Variants in ZMAT4 observed in about 807,000 individuals in gnomAD.
The protein encoded by ZMAT4 is zinc finger matrin-type 4, also known as zinc finger matrin-type protein 4.
Under a neutral mutation model 28.7 loss-of-function variants are expected in ZMAT4, and 17 were observed. The ratio of observed to expected loss-of-function variants is 0.59; its 90% CI spans 0.41 to 0.89. ZMAT4 has a LOEUF of 0.89. ZMAT4 is among the 40% of genes least tolerant of loss of function. The pLI is 0.00. For missense variants in ZMAT4, 240 were observed against 283.8 expected (o/e 0.85, Z 1.11); for synonymous variants, 117 against 109.2 (o/e 1.07, Z -0.44).
chr8:40,704,549 G>C (rs1381828915), intron 3 of ZMAT4, among the ~76,000 whole-genome samples: 1 of 152,122 alleles, frequency 6.6e-6, no homozygotes, highest in East Asian at 1.9e-4. Context: ...TGCTTTATTA[G>C]CATTTTGTTT....
chr8:40,697,528 T>TC, intron 3 of ZMAT4, 127 bp from the exon 4 acceptor site: 1 of 1,077,738 alleles, frequency 9.3e-7, no homozygotes, highest in Non-Finnish European at 1.2e-6. Flanking sequence ...TCTCTCTCTC[T>TC]TTTTGCCTTG....
At chr8:40,759,611 C>A (rs965463364) in intron 3 of ZMAT4, among the ~76,000 whole-genome samples, 4 of 152,134 alleles carry the variant, frequency 2.6e-5, no homozygotes, top group Non-Finnish European at 5.9e-5. Context: ...GTGAGAATTA[C>A]CTTTCTGACG....
chr8:40,800,112 T>C (rs1814775136), intron 2 of ZMAT4, among the ~76,000 whole-genome samples: 1 of 152,208 alleles, frequency 6.6e-6, no homozygotes, highest in Non-Finnish European at 1.5e-5. Flanking sequence ...GAGTCAACGA[T>C]GGACCACACG....
At chr8:40,869,635 C>T (rs1817785261) in intron 1 of ZMAT4, among the ~76,000 whole-genome samples, 1 of 152,166 alleles carries the variant, frequency 6.6e-6, no homozygotes, top group African/African-American at 2.4e-5. Flanking sequence ...ACCTGAGTGC[C>T]CAGGACAGTA....
At chr8:40,814,891 C>T (rs1346456624) in intron 2 of ZMAT4, among the ~76,000 whole-genome samples, 1 of 152,142 alleles carries the variant, frequency 6.6e-6, no homozygotes, top group Non-Finnish European at 1.5e-5. Context: ...TATACTCAAC[C>T]ATTTTGCTCA....
At chr8:40,682,708 GT>G (rs1484842635) in intron 4 of ZMAT4, among the ~76,000 whole-genome samples, 7 of 152,154 alleles carry the variant, frequency 4.6e-5, no homozygotes, top group Non-Finnish European at 7.3e-5. Flanking sequence ...AACCTTCTAA[GT>G]ATAATCAGCC....
intron 1 of ZMAT4, among the ~76,000 whole-genome samples, chr8:40,865,566 T>C (rs1817647280): frequency 6.6e-6 from 1 of 152,196 alleles, no homozygotes; most frequent in South Asian, 2.1e-4. Context: ...ATCTGCCATC[T>C]GTGCCATGCT....
At chr8:40,582,007 C>G (rs145261613) in intron 5 of ZMAT4, among the ~76,000 whole-genome samples, 5 of 152,154 alleles carry the variant, frequency 3.3e-5, no homozygotes, top group African/African-American at 4.8e-5. Context: ...GAGCTGAGAC[C>G]CATAATGAAA....
intron 1 of ZMAT4, among the ~76,000 whole-genome samples, chr8:40,832,480 G>A (rs183045112): frequency 5.3e-5 from 8 of 152,162 alleles, no homozygotes; most frequent in South Asian, 2.1e-4. Flanking sequence ...GCCCTCTGCC[G>A]AGTCCTGCTG....
intron 3 of ZMAT4, among the ~76,000 whole-genome samples, chr8:40,738,900 G>A (rs1016891054): frequency 2.6e-5 from 4 of 152,084 alleles, no homozygotes; most frequent in Admixed American, 6.6e-5. Flanking sequence ...TACACAAAAC[G>A]TATCGTGTGT....
chr8:40,718,371 A>T (rs1191921873), intron 3 of ZMAT4, among the ~76,000 whole-genome samples: 2 of 152,208 alleles, frequency 1.3e-5, no homozygotes, highest in Non-Finnish European at 2.9e-5. Context: ...GCCCAAATGA[A>T]CTGGACAATC....
intron 2 of ZMAT4, among the ~76,000 whole-genome samples, chr8:40,809,818 C>A (rs539723510): frequency 4.6e-5 from 7 of 152,002 alleles, no homozygotes; most frequent in Non-Finnish European, 7.4e-5. Flanking sequence ...CTGAGGTGGG[C>A]AGATCATTTG....
intron 5 of ZMAT4, among the ~76,000 whole-genome samples, chr8:40,627,111 AT>A (rs1259275868): frequency 6.6e-6 from 1 of 152,164 alleles, no homozygotes; most frequent in African/African-American, 2.4e-5. Flanking sequence ...TCAGCAAATG[AT>A]TATTGAACCA....
chr8:40,750,975 GT>G (rs919803213), intron 3 of ZMAT4, among the ~76,000 whole-genome samples: 1 of 152,240 alleles, frequency 6.6e-6, no homozygotes, highest in Non-Finnish European at 1.5e-5. Context: ...CCCATTTAGT[GT>G]GTCAAAGGAA....
At chr8:40,599,859 G>A (rs551236356) in intron 5 of ZMAT4, among the ~76,000 whole-genome samples, 7 of 152,094 alleles carry the variant, frequency 4.6e-5, no homozygotes, top group South Asian at 2.1e-4. Context: ...TCCCAGCACC[G>A]GTCCCTTCTG....
At chr8:40,820,657 G>T (rs1265480786) in intron 2 of ZMAT4, among the ~76,000 whole-genome samples, 1 of 103,264 alleles carries the variant, frequency 9.7e-6, no homozygotes, top group Non-Finnish European at 2.1e-5. Flanking sequence ...GCATGTGTGT[G>T]TTTACGTGTA....
At chr8:40,774,712 C>A (rs1176603969) in intron 2 of ZMAT4, among the ~76,000 whole-genome samples, 1 of 150,860 alleles carries the variant, frequency 6.6e-6, no homozygotes, top group Non-Finnish European at 1.5e-5. Context: ...TATTAAAAGG[C>A]AGTTTCTAAT....
At chr8:40,692,756 G>A (rs1013937327) in intron 4 of ZMAT4, among the ~76,000 whole-genome samples, 1 of 152,100 alleles carries the variant, frequency 6.6e-6, no homozygotes, top group Non-Finnish European at 1.5e-5. Context: ...TATAGTTTAA[G>A]GATTTTCTTC....
chr8:40,658,934 T>C (rs1403811229), intron 5 of ZMAT4, among the ~76,000 whole-genome samples: 1 of 152,168 alleles, frequency 6.6e-6, no homozygotes, highest in African/African-American at 2.4e-5. Flanking sequence ...TGTCTTCAAG[T>C]AGATGATTTT....
Sources: allele counts gnomAD v4.1 joint callset (sites outside exome capture counted in the v4.1 genomes callset), GRCh38; gene constraint gnomAD v4.1.1; transcripts MANE v1.5; gene names NCBI Gene and HGNC (gene_info 2026-07-23, HGNC 2026-07-21).